LRRC4C: variants seen among roughly 807,000 people sequenced by gnomAD.
The protein encoded by LRRC4C is leucine rich repeat containing 4C.
Under a neutral mutation model 33.6 loss-of-function variants are expected in LRRC4C, and 5 were observed. The ratio of observed to expected loss-of-function variants is 0.15; its 90% CI spans 0.08 to 0.31. The LOEUF (loss-of-function observed/expected upper bound fraction) is 0.31. LRRC4C is among the 10% of genes least tolerant of loss of function. The pLI, the probability that LRRC4C is intolerant of heterozygous loss-of-function variation, is 1.00. For missense variants in LRRC4C, 560 were observed against 796.7 expected, an observed-to-expected ratio of 0.70 and a Z score of 3.58; for synonymous variants, 329 against 302.0, an observed-to-expected ratio of 1.09 and a Z score of -0.93.
intron 3 of LRRC4C, among the ~76,000 whole-genome samples, chr11:40,488,454 T>G (rs1321211354): frequency 6.6e-6 from 1 of 152,076 alleles, no homozygotes; most frequent in Non-Finnish European, 1.5e-5. Flanking sequence ...ATCAGCACTT[T>G]TTGGATAAAG....
At chr11:41,223,083 C>A (rs1410303566) in intron 1 of LRRC4C, 1 of 152,072 alleles carries the variant, frequency 6.6e-6, no homozygotes, top group African/African-American at 2.4e-5. Context: ...TTAAAAAACG[C>A]TAGCTATGAT....
At chr11:40,277,339 G>A (rs72891093) in intron 4 of LRRC4C, among the ~76,000 whole-genome samples, 12,099 of 152,130 alleles carry the variant, frequency 0.08, 617 homozygotes, top group African/African-American at 0.13. Context: ...TTTAAAATAA[G>A]TGATGCATAA....
intron 2 of LRRC4C, among the ~76,000 whole-genome samples, chr11:40,670,806 C>T (rs974434327): frequency 2.0e-5 from 3 of 152,152 alleles, no homozygotes; most frequent in African/African-American, 7.2e-5. Context: ...CTCTGTCGCC[C>T]AGGCTGGAGT....
chr11:40,199,033 A>C (rs1351724871), intron 5 of LRRC4C, among the ~76,000 whole-genome samples: 1 of 152,096 alleles, frequency 6.6e-6, no homozygotes, highest in Non-Finnish European at 1.5e-5. Context: ...TGGGGAAGAG[A>C]GACAGAAGTT....
intron 1 of LRRC4C, among the ~76,000 whole-genome samples, chr11:41,181,782 T>C (rs1448006305): frequency 3.3e-5 from 5 of 152,336 alleles, no homozygotes. Context: ...TCTATAATAC[T>C]AACCACCATC....
At chr11:40,830,104 G>A (rs1287395786) in intron 2 of LRRC4C, among the ~76,000 whole-genome samples, 1 of 151,946 alleles carries the variant, frequency 6.6e-6, no homozygotes, top group Admixed American at 6.6e-5. Context: ...ATAAAAACAA[G>A]CACGGGCTAT....
intron 2 of LRRC4C, among the ~76,000 whole-genome samples, chr11:40,831,045 T>G (rs535676720): frequency 6.6e-6 from 1 of 152,262 alleles, no homozygotes; most frequent in African/African-American, 2.4e-5. Context: ...TTTACTTAGT[T>G]GTTATCTAGA....
intron 2 of LRRC4C, among the ~76,000 whole-genome samples, chr11:40,826,793 A>G (rs987694038): frequency 1.3e-5 from 2 of 151,948 alleles, no homozygotes; most frequent in South Asian, 4.1e-4. Flanking sequence ...TCAGGAATAT[A>G]TTTTCACTGG....
At chr11:41,043,909 GTAT>G (rs1461010852) in intron 1 of LRRC4C, among the ~76,000 whole-genome samples, 1 of 151,784 alleles carries the variant, frequency 6.6e-6, no homozygotes, top group Non-Finnish European at 1.5e-5. Context: ...GATGGATAAG[GTAT>G]TATAATCTCT....
At chr11:41,175,576 T>G (rs1324210686) in intron 1 of LRRC4C, among the ~76,000 whole-genome samples, 2 of 152,036 alleles carry the variant, frequency 1.3e-5, no homozygotes, top group Admixed American at 6.6e-5. Context: ...CACTTCCACC[T>G]ACATTTAGTC....
intron 3 of LRRC4C, among the ~76,000 whole-genome samples, chr11:40,407,344 T>C (rs902011337): frequency 2.6e-5 from 4 of 152,066 alleles, no homozygotes; most frequent in African/African-American, 9.7e-5. Flanking sequence ...TGGAAGACAC[T>C]CTCTATTTTT....
chr11:40,997,454 T>C (rs979385468), intron 1 of LRRC4C, among the ~76,000 whole-genome samples: 10 of 152,070 alleles, frequency 6.6e-5, no homozygotes, highest in Admixed American at 3.9e-4. Context: ...CTCCTTGAAG[T>C]GCATAAGTGA....
intron 2 of LRRC4C, among the ~76,000 whole-genome samples, chr11:40,855,240 C>G (rs1953723181): frequency 6.6e-6 from 1 of 152,180 alleles, no homozygotes; most frequent in African/African-American, 2.4e-5. Context: ...TTCTAACAAT[C>G]ACATCTCCAT....
chr11:40,938,271 C>T (rs950273623), intron 1 of LRRC4C, among the ~76,000 whole-genome samples: 4 of 152,090 alleles, frequency 2.6e-5, no homozygotes, highest in Admixed American at 2.0e-4. Context: ...GACCTTTCTC[C>T]ATTTGGATGA....
chr11:40,278,433 A>T (rs1943259160), intron 4 of LRRC4C, among the ~76,000 whole-genome samples: 1 of 152,266 alleles, frequency 6.6e-6, no homozygotes, highest in Non-Finnish European at 1.5e-5. Context: ...CGTTTTAAAG[A>T]TCCTCTACCA....
intron 3 of LRRC4C, among the ~76,000 whole-genome samples, chr11:40,488,276 T>TG (rs1443586109): frequency 6.1e-5 from 9 of 146,954 alleles, no homozygotes; most frequent in Admixed American, 3.4e-4. Context: ...TACAGGGTGT[T>TG]TTTTTCCCCC....
At chr11:40,486,726 AAT>A (rs1412902023) in intron 3 of LRRC4C, among the ~76,000 whole-genome samples, 3 of 152,082 alleles carry the variant, frequency 2.0e-5, no homozygotes, top group Non-Finnish European at 4.4e-5. Context: ...AGAGTAGTAA[AAT>A]ATGGGAAAAT....
intron 1 of LRRC4C, among the ~76,000 whole-genome samples, chr11:41,138,303 C>T (rs1184774161): frequency 2.0e-5 from 3 of 152,172 alleles, no homozygotes; most frequent in Non-Finnish European, 4.4e-5. Flanking sequence ...CTTCCAGCAC[C>T]TATGGTTGTG....
intron 3 of LRRC4C, among the ~76,000 whole-genome samples, chr11:40,506,664 T>C (rs1412223072): frequency 6.6e-6 from 1 of 152,078 alleles, no homozygotes; most frequent in Non-Finnish European, 1.5e-5. Context: ...TTCTAATGTT[T>C]ATATACAAAA....
Sources: allele counts gnomAD v4.1 joint callset (sites outside exome capture counted in the v4.1 genomes callset), GRCh38; gene constraint gnomAD v4.1.1; transcripts MANE v1.5; gene names NCBI Gene and HGNC (gene_info 2026-07-23, HGNC 2026-07-21).